Variants in FCRL3 observed in about 807,000 individuals in gnomAD.
FCRL3 encodes Fc receptor-like protein 3.
FCRL3 carries 89 observed loss-of-function variants against 75.0 expected under a neutral mutation model. That is an observed-to-expected ratio of 1.19 (90% confidence interval 1.00 to 1.42). The LOEUF (loss-of-function observed/expected upper bound fraction) is 1.42. FCRL3 is among the 40% of genes most tolerant of loss of function. FCRL3 has a pLI of 0.00. For missense variants in FCRL3, 946 were observed against 880.0 expected (o/e 1.07, Z -0.95); for synonymous variants, 376 against 348.5 (o/e 1.08, Z -0.88).
At position 157,681,090 on chromosome 1, in the gene FCRL3, A is replaced by G; in HGVS notation, c.1848T>C (p.Pro616=). ...LSATGTSSHS[P]SECQEPSSSR... is the part of the protein sequence containing the mutation. ...ACGAGGAAGGCTCCTGACACTCACT[A>G]GGACTGTGACTGTGACAGAGGGGGA... Residue 616 remains proline, a synonymous_variant, in exon 12 of 15, where the codon CCT becomes CCC. Coordinates refer to ENST00000368184, the MANE Select transcript of FCRL3 (RefSeq NM_052939.4). The G allele has an allele frequency of 6.3e-7, 1 of 1,575,128 alleles. No individual in the cohort carries two copies. The highest frequency in any genetic ancestry group is 2.3e-5 in the East Asian group (1 of 44,320).
rs1488120038 is a variant in FCRL3, at chr1:157,700,349, G to A, written c.31+110C>T. ...CAGCTCTGCTCACTTCCCATCCCTTGCTATCTGTCTCTGAACCCCAAGTAG... is the reference window on the plus strand; with the variant it reads ...CAGCTCTGCTCACTTCCCATCCCTTACTATCTGTCTCTGAACCCCAAGTAG... On this transcript the variant is annotated intron_variant, in intron 2 of 14. Transcript: ENST00000368184. 1.3e-6 allele frequency: 2 copies of A among 1,526,104 alleles called. No individual in the cohort carries two copies. The highest frequency in any genetic ancestry group is 9.0e-7 in the Non-Finnish European group (1 of 1,115,746). The allele number at this position is 1,526,104 out of a possible 1,614,324, so 94.5% of individuals were successfully genotyped here.
chr1:157,700,728 C>T lies in FCRL3; in HGVS notation c.-163G>A. On this transcript the variant is annotated 5_prime_UTR_variant, in exon 1 of 15. Coordinates refer to ENST00000368184, the MANE Select transcript of FCRL3 (RefSeq NM_052939.4). The stretch of plus-strand genomic sequence containing the variant: ...ATTTTTAGAAGTTGGGGCTCATCTT[C>T]CATCAGCTGCAGTCTCTCAGGAGTA... The T allele has an allele frequency of 7.1e-7, 1 of 1,407,972 alleles. No homozygotes were observed. Among genetic ancestry groups the T allele is most frequent in the Non-Finnish European group, 9.3e-7 (1 of 1,079,672 alleles). The allele number at this position is 1,407,972 out of a possible 1,614,324, so 87.2% of individuals were successfully genotyped here. A position where few individuals can be genotyped will look rare whatever the true frequency, so the allele number is the denominator to read the frequency against.
chr1:157,681,124 ATTAAAAAGTATCTGTGGG>A, intron 11 of FCRL3, 25 bp from the exon 12 acceptor site: 1 of 1,446,058 alleles, frequency 6.9e-7, no homozygotes, highest in Non-Finnish European at 9.2e-7. Flanking sequence ...GAGAGAATGG[ATTAAAAAGTATCTGTGGG>A]TTACACAGAA....
intron 2 of FCRL3, among the ~76,000 whole-genome samples, chr1:157,700,011 G>C (rs532069051): frequency 6.6e-6 from 1 of 152,232 alleles, no homozygotes; most frequent in South Asian, 2.1e-4. Context: ...TCCTCCTTTC[G>C]TTCCTTGGGC....
Position 157,676,669 on chromosome 1 carries a change from G to A in FCRL3, c.*2041C>T, listed in dbSNP as rs567069381. ...TGTTATATCCGAGATGTACAGTTAG[G>A]ACTCACCCCTTCTTCCACTCACATA... On this transcript the variant is annotated 3_prime_UTR_variant, in exon 15 of 15. Coordinates refer to ENST00000368184, the MANE Select transcript of FCRL3 (RefSeq NM_052939.4). 1.2e-4 allele frequency: 178 copies of A among 1,509,698 alleles called. No individual in the cohort carries two copies. The African/African-American group carries it at 2.3e-3, about 20-fold the overall frequency. The allele number at this position is 1,509,698 out of a possible 1,614,324, so 93.5% of individuals were successfully genotyped here.
At position 157,698,527 on chromosome 1, in the gene FCRL3, G is replaced by T; in HGVS notation, c.155C>A (p.Ala52Asp). 3.7e-6 allele frequency: 6 copies of T among 1,614,134 alleles called. No individual in the cohort carries two copies. Among genetic ancestry groups the T allele is most frequent in the Non-Finnish European group, 4.2e-6 (5 of 1,179,996 alleles). The change falls in exon 4 of 15, where the codon GCC becomes GAC. Residue 52 changes from alanine (A) to aspartate (D), a missense_variant. Transcript: ENST00000368184. ...LICSSISHSLAQGDTYWYHDE... is the reference protein window; with the variant it reads ...LICSSISHSLDQGDTYWYHDE... ...GTGATACCAATATGTGTCTCCCTGG[G>T]CTAGGGAATGTGATATGCTGCTGCA...
Position 157,678,581 on chromosome 1 carries a change from T to G in FCRL3, c.*129A>C, listed in dbSNP as rs2282283. The G allele has an allele frequency of 0.23, 347,205 of 1,512,906 alleles. 42,871 individuals carry two copies. The highest frequency in any genetic ancestry group is 0.49 in the African/African-American group (35,422 of 71,938). The allele number at this position is 1,512,906 out of a possible 1,614,324, so 93.7% of individuals were successfully genotyped here. A position where few individuals can be genotyped will look rare whatever the true frequency, so the allele number is the denominator to read the frequency against. ...CAGGGGAGATTTGCAGACCTTTTGC[T>G]CAGCCTCACATACCCTGCAGCCCAG... is the stretch of plus-strand genomic sequence containing the variant. On this transcript the variant is annotated 3_prime_UTR_variant, in exon 15 of 15. Coordinates refer to ENST00000368184, the MANE Select transcript of FCRL3 (RefSeq NM_052939.4).
At position 157,689,895 on chromosome 1, in the gene FCRL3, G is replaced by A. The variant is rs781626402; in HGVS notation, c.1713C>T (p.Gly571=). The A allele has an allele frequency of 2.5e-6, 4 of 1,614,160 alleles. No individual in the cohort carries two copies. The highest frequency in any genetic ancestry group is 3.4e-6 in the Non-Finnish European group (4 of 1,180,020). ...GCCCCGTGATTCCCGCAGCGGTAAG[G>A]CCTGTTCTGTTCCTGGAAGTTCCTG... ...NVTGTSRNRT[G]LTAAGITGLV... Residue 571 remains glycine (G), a synonymous_variant, in exon 10 of 15, where the codon GGC becomes GGT. Transcript: ENST00000368184.
chr1:157,694,814 G>A (rs1246893028), intron 8 of FCRL3, among the ~76,000 whole-genome samples: 2 of 152,154 alleles, frequency 1.3e-5, no homozygotes, highest in African/African-American at 4.8e-5. Flanking sequence ...GAATCTGGAG[G>A]CCATGAAAGA....
In FCRL3 at chr1:157,697,229, G is replaced by T; in HGVS notation, c.755C>A (p.Thr252Asn). 1 of 1,603,360 alleles carries T rather than the reference G, an allele frequency of 6.2e-7. No homozygotes were observed. Among genetic ancestry groups the T allele is most frequent in the Non-Finnish European group, 8.5e-7 (1 of 1,174,368 alleles). Residue 252 changes from threonine to asparagine, a missense_variant, in exon 6 of 15, where the codon ACT becomes AAT. Transcript: ENST00000368184. ...SPRLQIPAMW[T>N]EDSGSYWCEV... is the part of the protein sequence containing the mutation. ...ACACCAGTAAGACCCTGAGTCTTCA[G>T]TCCACATGGCAGGGATCTGGAGTCT...
At chr1:157,683,094 A>G (rs370751094) in intron 11 of FCRL3, 123 bp downstream of exon 11, 1 of 1,098,480 alleles carries the variant, frequency 9.1e-7, no homozygotes, top group South Asian at 1.6e-5. Context: ...CTACTTTTTT[A>G]TTTTGTAAGA....
chr1:157,691,035 G>GCATGTATGTATC (rs1553195820), intron 8 of FCRL3, among the ~76,000 whole-genome samples: 23 of 151,544 alleles, frequency 1.5e-4, no homozygotes, highest in African/African-American at 5.6e-4. Flanking sequence ...ATGTATGTAT[G>GCATGTATGTATC]TATCTATCTA....
intron 8 of FCRL3, among the ~76,000 whole-genome samples, chr1:157,692,756 C>G (rs1364716027): frequency 6.6e-6 from 1 of 152,180 alleles, no homozygotes; most frequent in Non-Finnish European, 1.5e-5. Flanking sequence ...TTAGCAAACA[C>G]TTTAAAAAGT....
Position 157,676,535 on chromosome 1 carries a change from A to T in FCRL3, c.*2175T>A. The T allele has an allele frequency of 1.8e-6, 1 of 561,928 alleles. No individual in the cohort carries two copies. Among genetic ancestry groups the T allele is most frequent in the East Asian group, 3.0e-5 (1 of 33,032 alleles). 34.8% of individuals were successfully genotyped at this position (561,928 alleles called of 1,614,324 possible). A position where few individuals can be genotyped will look rare whatever the true frequency, so the allele number is the denominator to read the frequency against. On this transcript the variant is annotated 3_prime_UTR_variant, in exon 15 of 15. Coordinates refer to ENST00000368184, the MANE Select transcript of FCRL3 (RefSeq NM_052939.4). Reference sequence around the variant, plus strand: ...AGGCTCCACTAAAATTACTTTTTTTAGATTTCTGGGCTATGGGTTTTTAGT... The same window carrying T: ...AGGCTCCACTAAAATTACTTTTTTTTGATTTCTGGGCTATGGGTTTTTAGT...
chr1:157,688,213 A>G (rs1655296719), intron 10 of FCRL3, among the ~76,000 whole-genome samples: 1 of 152,132 alleles, frequency 6.6e-6, no homozygotes, highest in Non-Finnish European at 1.5e-5. Flanking sequence ...TTAACTTTAA[A>G]TATAGGGGTA....
chr1:157,699,544 G>T, intron 3 of FCRL3, 148 bp downstream of exon 3: 1 of 684,378 alleles, frequency 1.5e-6, no homozygotes, highest in Non-Finnish European at 2.3e-6. Flanking sequence ...GTCGGAGGAG[G>T]CTCTGTTCAC....
At chr1:157,689,594 A>G (rs998973813) in intron 10 of FCRL3, among the ~76,000 whole-genome samples, 3 of 152,226 alleles carry the variant, frequency 2.0e-5, no homozygotes, top group African/African-American at 7.2e-5. Flanking sequence ...TATAAATCTC[A>G]AATTAAACAC....
intron 10 of FCRL3, 66 bp downstream of exon 10, chr1:157,689,732 C>G: frequency 6.2e-7 from 1 of 1,604,722 alleles, no homozygotes. Flanking sequence ...ATAGGGTGCA[C>G]CAGACAACTT....
chr1:157,696,057 A>G lies in FCRL3; in HGVS notation c.1115T>C (p.Ile372Thr). Residue 372 changes from isoleucine (I) to threonine (T), a missense_variant, in exon 7 of 15, where the codon ATT (isoleucine) becomes ACT (threonine). Transcript: ENST00000368184. ...GAACTTACTTCTCACGGTGACTCGA[A>G]TCCACGTGCTGAGGATGGGGCTGTG... The part of the protein sequence containing the change: ...NVHSPILSTW[I>T]RVTVRIPVSH... 6.2e-7 allele frequency: 1 copy of G among 1,610,502 alleles called. No homozygotes were observed. The highest frequency in any genetic ancestry group is 1.7e-5 in the Admixed American group (1 of 59,928).
Sources: allele counts gnomAD v4.1 joint callset (sites outside exome capture counted in the v4.1 genomes callset), GRCh38; gene constraint gnomAD v4.1.1; transcripts MANE v1.5; gene names NCBI Gene and HGNC (gene_info 2026-07-23, HGNC 2026-07-21).